The following MTF1 variants were observed in gnomAD, a reference collection of about 807,000 sequenced individuals.
MTF1 encodes MRE-binding transcription factor.
In MTF1, 22 loss-of-function variants were observed where a neutral mutation model predicts 70.4. The ratio of observed to expected loss-of-function variants is 0.31; its 90% confidence interval spans 0.22 to 0.45. The LOEUF (loss-of-function observed/expected upper bound fraction) is 0.45, where lower values mean the gene tolerates loss of function less well. Among genes scored for constraint, MTF1 ranks in the 20% least tolerant of loss-of-function variants. MTF1 has a pLI of 1.00. For missense variants in MTF1, 649 were observed against 922.0 expected (o/e 0.70, Z 3.83); for synonymous variants, 333 against 352.8 (o/e 0.94, Z 0.63).
At chr1:37,831,206 G>C (rs1251891861) in intron 7 of MTF1, among the ~76,000 whole-genome samples, 1 of 152,144 alleles carries the variant, frequency 6.6e-6, no homozygotes, top group Non-Finnish European at 1.5e-5. Context: ...TTCTGCGGGA[G>C]AGTTGGTCTC....
chr1:37,822,730 G>T lies in MTF1; in HGVS notation c.1172-14C>A, dbSNP rs755738431. The T allele has an allele frequency of 4.5e-6, 7 of 1,568,244 alleles. No individual in the cohort carries two copies. The highest frequency in any genetic ancestry group is 3.4e-5 in the Admixed American group (2 of 59,620). ...CAGTCAAGGAAGCTGGCAAGAAAAA[G>T]AAATAGAAATATATATACATATCCC... On this transcript the variant is annotated splice_polypyrimidine_tract_variant and intron_variant, in intron 8 of 10. Coordinates refer to ENST00000373036, the MANE Select transcript of MTF1 (RefSeq NM_005955.3).
intron 2 of MTF1, among the ~76,000 whole-genome samples, chr1:37,855,636 C>G (rs1474535158): frequency 6.6e-6 from 1 of 152,142 alleles, no homozygotes; most frequent in Non-Finnish European, 1.5e-5. Context: ...CTACTAGTGA[C>G]TTATTTTTTT....
At chr1:37,837,434 A>G (rs1292781585) in intron 4 of MTF1, among the ~76,000 whole-genome samples, 2 of 152,198 alleles carry the variant, frequency 1.3e-5, no homozygotes, top group Admixed American at 6.5e-5. Context: ...GAGTGGTTTA[A>G]GAAGGAACAG....
intron 8 of MTF1, 126 bp from the exon 9 acceptor site, chr1:37,822,842 A>G (rs971353375): frequency 3.1e-6 from 2 of 645,464 alleles, no homozygotes; most frequent in African/African-American, 3.6e-5. Context: ...CATAGCTAGC[A>G]GGCCAGCTTT....
intron 8 of MTF1, among the ~76,000 whole-genome samples, 181 bp downstream of exon 8, chr1:37,823,529 T>C (rs1232048224): frequency 6.6e-6 from 1 of 152,172 alleles, no homozygotes; most frequent in Non-Finnish European, 1.5e-5. Context: ...GGAAAGGAGA[T>C]TCTCTTCTTC....
In MTF1 at chr1:37,809,601, A is replaced by AT. The variant is rs1640668004; in HGVS notation, c.*5534dup. ...TAAATAAGCATTTAATTAGGATTTCATTAGTATTTAATATTGCTTTTTCAA... is the reference window on the plus strand; with the variant it reads ...TAAATAAGCATTTAATTAGGATTTCATTTAGTATTTAATATTGCTTTTTCAA... On this transcript the variant is annotated 3_prime_UTR_variant, in exon 11 of 11. Transcript: ENST00000373036. The AT allele has an allele frequency of 6.4e-6, 1 of 155,342 alleles. No individual in the cohort carries two copies. Among genetic ancestry groups the AT allele is most frequent in the Non-Finnish European group, 1.4e-5 (1 of 69,624 alleles). The allele number at this position is 155,342 out of a possible 1,614,324, so 9.6% of individuals were successfully genotyped here.
At position 37,827,300 on chromosome 1, in the gene MTF1, A is replaced by G. The variant is rs550429916; in HGVS notation, c.1069-3488T>C. 1.2e-4 allele frequency among the ~76,000 whole-genome samples: 18 copies of G among 151,382 alleles called. No homozygotes were observed. The South Asian group carries it at 3.3e-3, about 28-fold the overall frequency. Reference sequence around the variant, plus strand: ...TTTGAAAAATAGTTGACTAACAACTACCACTGAGCATAAGCTTTGCAACCT... The same window carrying G: ...TTTGAAAAATAGTTGACTAACAACTGCCACTGAGCATAAGCTTTGCAACCT... On this transcript the variant is annotated intron_variant, in intron 7 of 10. Transcript: ENST00000373036.
At chr1:37,837,938 G>C (rs1471749119) in intron 4 of MTF1, among the ~76,000 whole-genome samples, 1 of 152,142 alleles carries the variant, frequency 6.6e-6, no homozygotes, top group Non-Finnish European at 1.5e-5. Context: ...AATACCTGTT[G>C]AATGCCTGGA....
At chr1:37,858,643 C>T (rs1557601773) in intron 1 of MTF1, 1 of 152,106 alleles carries the variant, frequency 6.6e-6, no homozygotes, top group African/African-American at 2.4e-5. Context: ...TCAATTGAGT[C>T]TTATTATTTT....
intron 9 of MTF1, among the ~76,000 whole-genome samples, chr1:37,820,672 T>C (rs1404236389): frequency 6.6e-6 from 1 of 152,226 alleles, no homozygotes; most frequent in East Asian, 1.9e-4. Context: ...TGTGAAACTA[T>C]TCTGGATATT....
At chr1:37,834,661 A>G in intron 6 of MTF1, 1 of 458,166 alleles carries the variant, frequency 2.2e-6, no homozygotes. Context: ...TCCAGGCAAA[A>G]AGACAACAGT....
At chr1:37,859,403 G>A in intron 1 of MTF1, 128 bp downstream of exon 1, 1 of 397,808 alleles carries the variant, frequency 2.5e-6, no homozygotes. Context: ...CCATGGAAAC[G>A]GAGAAGGGGT....
At chr1:37,838,340 A>G (rs1641201658) in intron 4 of MTF1, among the ~76,000 whole-genome samples, 1 of 152,178 alleles carries the variant, frequency 6.6e-6, no homozygotes, top group Non-Finnish European at 1.5e-5. Context: ...CTCTAGCACT[A>G]ATAAAAGTAC....
At chr1:37,825,447 G>A (rs1008312022) in intron 7 of MTF1, among the ~76,000 whole-genome samples, 4 of 151,966 alleles carry the variant, frequency 2.6e-5, no homozygotes, top group African/African-American at 9.7e-5. Context: ...ATGTTGTCCA[G>A]GCTGGTCTGG....
At position 37,847,474 on chromosome 1, in the gene MTF1, C is replaced by T. The variant is rs914229231; in HGVS notation, c.409-7316G>A. Among the ~76,000 whole-genome samples the T allele has an allele frequency of 4.6e-5, 7 of 152,196 alleles. No homozygotes were observed. The South Asian group carries it at 1.4e-3, about 31-fold the overall frequency. ...TGATCGGTACATATCAGGTATTCAA[C>T]AGCCAGCCATCTTCCTCTCTCCACC... On this transcript the variant is annotated intron_variant, in intron 2 of 10. Transcript: ENST00000373036.
At chr1:37,826,564 C>A in intron 7 of MTF1, 1 of 455,564 alleles carries the variant, frequency 2.2e-6, no homozygotes, top group Non-Finnish European at 4.4e-6. Context: ...TGAGCCACCA[C>A]CACCAGCTGA....
At position 37,822,146 on chromosome 1, in the gene MTF1, C is replaced by T; in HGVS notation, c.1742G>A (p.Ser581Asn). The change falls in exon 9 of 11, where the codon AGT becomes AAT. Residue 581 changes from serine (S) to asparagine (N), a missense_variant. Transcript: ENST00000373036. ...AATTTGTTCTTGGTTTTGTGGAGAA[C>T]TGGTGGCACCATTTAATATCCATTG... ...NLQWILNGAT[S>N]SPQNQEQIQQ... is the part of the protein sequence containing the mutation. 6.2e-7 allele frequency: 1 copy of T among 1,607,570 alleles called. No homozygotes were observed. Among genetic ancestry groups the T allele is most frequent in the Non-Finnish European group, 8.5e-7 (1 of 1,175,944 alleles).
intron 9 of MTF1, among the ~76,000 whole-genome samples, chr1:37,818,322 T>C (rs1640850501): frequency 1.3e-5 from 2 of 152,116 alleles, no homozygotes; most frequent in South Asian, 4.1e-4. Context: ...GGTACATGCC[T>C]ATAGTCCCAG....
rs142321465 is a variant in MTF1 at position 37,848,349 on chromosome 1, T to C, written c.409-8191A>G. On this transcript the variant is annotated intron_variant, in intron 2 of 10. Coordinates refer to ENST00000373036, the MANE Select transcript of MTF1 (RefSeq NM_005955.3). ...TGCAATGGGATATTTCTATTTCAAT[T>C]TTATAAAAAAGGAAACAGAGCAGCT... Among the ~76,000 whole-genome samples, 926 of 152,312 alleles carry C rather than the reference T, an allele frequency of 6.1e-3. 11 individuals are homozygous for C. The highest frequency in any genetic ancestry group is 0.021 in the African/African-American group (872 of 41,560).
Sources: gnomAD v4.1 joint callset for allele counts (sites outside exome capture counted in the v4.1 genomes callset) on GRCh38, gnomAD v4.1.1 for gene constraint, MANE v1.5 for transcripts, NCBI Gene and HGNC (gene_info 2026-07-23, HGNC 2026-07-21) for gene names.